Variants in PTPRD observed in about 807,000 individuals in gnomAD.
PTPRD encodes the protein protein tyrosine phosphatase receptor type D, also known as receptor-type tyrosine-protein phosphatase delta.
Under a neutral mutation model 214.5 loss-of-function variants are expected in PTPRD, and 34 were observed. The observed-to-expected ratio is 0.16, with a 90% confidence interval of 0.12 to 0.21. The LOEUF (loss-of-function observed/expected upper bound fraction) is 0.21. Among genes scored for constraint, PTPRD ranks in the 10% least tolerant of loss-of-function variants. The pLI is 1.00. For synonymous variants in PTPRD, 1,128 were observed against 845.7 expected (o/e 1.33, Z -5.79); for missense variants, 2,545 against 2,398.7 (o/e 1.06, Z -1.27).
chr9:8,564,579 G>A (rs1433079983), intron 14 of PTPRD, among the ~76,000 whole-genome samples: 1 of 152,098 alleles, frequency 6.6e-6, no homozygotes, highest in Non-Finnish European at 1.5e-5. Context: ...GTGCGTGCCT[G>A]TAATCCCGCT....
intron 7 of PTPRD, among the ~76,000 whole-genome samples, chr9:9,591,415 AGCCTC>A (rs1389269118): frequency 6.6e-6 from 1 of 151,984 alleles, no homozygotes; most frequent in African/African-American, 2.4e-5. Flanking sequence ...TCATTCTTAC[AGCCTC>A]CAGGGAGGAA....
intron 11 of PTPRD, among the ~76,000 whole-genome samples, chr9:8,788,621 A>G (rs1411409509): frequency 6.6e-6 from 1 of 152,180 alleles, no homozygotes; most frequent in Non-Finnish European, 1.5e-5. Context: ...CCTTAAAATC[A>G]GCAAAGGAAA....
chr9:8,367,181 AAAG>A (rs139774174), intron 39 of PTPRD, among the ~76,000 whole-genome samples: 16 of 152,342 alleles, frequency 1.1e-4, no homozygotes, highest in African/African-American at 3.8e-4. Flanking sequence ...TAAGTCTCAC[AAAG>A]AAGTTCTCCA....
At chr9:10,588,969 C>T (rs555925898) in intron 2 of PTPRD, among the ~76,000 whole-genome samples, 28 of 152,074 alleles carry the variant, frequency 1.8e-4, no homozygotes, top group African/African-American at 6.5e-4. Context: ...AGATAACTTA[C>T]TGAATGAGTA....
Position 8,504,360 on chromosome 9 carries a change from G to C in PTPRD, c.1723C>G (p.Leu575Val), listed in dbSNP as rs2137232326. The C allele has an allele frequency of 1.2e-6, 2 of 1,614,158 alleles. No individual in the cohort carries two copies. The highest frequency in any genetic ancestry group is 1.7e-6 in the Non-Finnish European group (2 of 1,180,000). Residue 575 changes from leucine (L) to valine (V), a missense_variant, in exon 23 of 46, where the codon CTG (leucine) becomes GTG (valine). Transcript: ENST00000381196. Reference sequence around the variant, plus strand: ...AAATAGTATAAGCTGTTTGGTTTCAGTCCTTGCAGCCTATATGATGTCCCT... The same window carrying C: ...AAATAGTATAAGCTGTTTGGTTTCACTCCTTGCAGCCTATATGATGTCCCT... Reference protein sequence around the residue: ...EPGTSYRLQGLKPNSLYYFRL... With the variant: ...EPGTSYRLQGVKPNSLYYFRL...
At chr9:8,854,169 G>A (rs892642512) in intron 11 of PTPRD, among the ~76,000 whole-genome samples, 1 of 152,058 alleles carries the variant, frequency 6.6e-6, no homozygotes, top group Non-Finnish European at 1.5e-5. Context: ...AATTAAAAAG[G>A]TACCATGATT....
chr9:9,825,610 T>C (rs1197861675), intron 5 of PTPRD, among the ~76,000 whole-genome samples: 2 of 151,992 alleles, frequency 1.3e-5, no homozygotes, highest in Non-Finnish European at 2.9e-5. Context: ...TGTTCACCAT[T>C]AACTAGTTGT....
chr9:10,402,929 T>G (rs531626205), intron 2 of PTPRD, among the ~76,000 whole-genome samples: 1 of 151,520 alleles, frequency 6.6e-6, no homozygotes, highest in East Asian at 2.0e-4. Flanking sequence ...TCTGTTTGAA[T>G]TGGTGTGCTT....
At chr9:10,510,459 T>C (rs907678281) in intron 2 of PTPRD, among the ~76,000 whole-genome samples, 5 of 152,204 alleles carry the variant, frequency 3.3e-5, no homozygotes, top group Middle Eastern at 3.2e-3. Context: ...ATGATGTGTT[T>C]TCTTACCTAG....
intron 2 of PTPRD, among the ~76,000 whole-genome samples, chr9:10,376,705 T>G (rs1174820406): frequency 1.3e-5 from 2 of 151,884 alleles, no homozygotes; most frequent in African/African-American, 2.4e-5. Context: ...CTAAAATTTA[T>G]TTGGTTATAT....
intron 2 of PTPRD, among the ~76,000 whole-genome samples, chr9:10,545,353 A>G (rs190958672): frequency 2.0e-5 from 3 of 152,298 alleles, no homozygotes; most frequent in Admixed American, 6.5e-5. Context: ...TTAGATATAT[A>G]GTTTTCAAGC....
chr9:8,820,024 G>T (rs1192085610), intron 11 of PTPRD, among the ~76,000 whole-genome samples: 1 of 152,044 alleles, frequency 6.6e-6, no homozygotes, highest in African/African-American at 2.4e-5. Flanking sequence ...TCACTTTTGA[G>T]GCAACATTTC....
chr9:8,827,404 C>G (rs1003822832), intron 11 of PTPRD, among the ~76,000 whole-genome samples: 9 of 152,134 alleles, frequency 5.9e-5, no homozygotes, highest in Non-Finnish European at 1.0e-4. Context: ...GTCAAGGGTT[C>G]AAAACCAGCC....
At chr9:10,311,454 T>C (rs1367433502) in intron 3 of PTPRD, among the ~76,000 whole-genome samples, 2 of 152,048 alleles carry the variant, frequency 1.3e-5, no homozygotes, top group Non-Finnish European at 2.9e-5. Context: ...CTTCAAAGAA[T>C]CCTCATCTTA....
At chr9:10,361,664 TCTATTAGGAACACTTA>T (rs2097395512) in intron 2 of PTPRD, among the ~76,000 whole-genome samples, 1 of 152,186 alleles carries the variant, frequency 6.6e-6, no homozygotes, top group African/African-American at 2.4e-5. Flanking sequence ...TGTCAAAATC[TCTATTAGGAACACTTA>T]CTATTATATG....
chr9:8,473,013 T>C (rs922418458), intron 30 of PTPRD, among the ~76,000 whole-genome samples: 3 of 152,152 alleles, frequency 2.0e-5, no homozygotes, highest in Admixed American at 6.5e-5. Flanking sequence ...AGTAAACAGA[T>C]ACCAGCTGCT....
chr9:9,696,077 T>C (rs1198115436), intron 7 of PTPRD, among the ~76,000 whole-genome samples: 2 of 152,288 alleles, frequency 1.3e-5, no homozygotes, highest in East Asian at 1.9e-4. Context: ...TTAGTTTTTA[T>C]TGGTTTGCTC....
chr9:10,038,316 C>T (rs1028194676), intron 3 of PTPRD, among the ~76,000 whole-genome samples: 1 of 152,068 alleles, frequency 6.6e-6, no homozygotes, highest in Admixed American at 6.6e-5. Flanking sequence ...GAATAATAAC[C>T]TATTACTGAT....
At chr9:9,724,830 T>A (rs1235082796) in intron 7 of PTPRD, among the ~76,000 whole-genome samples, 1 of 152,120 alleles carries the variant, frequency 6.6e-6, no homozygotes, top group East Asian at 1.9e-4. Context: ...TTCATGCAGG[T>A]AACAAGTGAT....
Sources: allele counts gnomAD v4.1 joint callset (sites outside exome capture counted in the v4.1 genomes callset), GRCh38; gene constraint gnomAD v4.1.1; transcripts MANE v1.5; gene names NCBI Gene and HGNC (gene_info 2026-07-23, HGNC 2026-07-21).